Variants in CCDC138 observed in about 807,000 individuals in gnomAD.
CCDC138 encodes the protein coiled-coil domain-containing protein 138.
In CCDC138, 66 loss-of-function variants were observed where a neutral mutation model predicts 82.3. The ratio of observed to expected loss-of-function variants is 0.80; its 90% CI spans 0.66 to 0.98. The LOEUF (loss-of-function observed/expected upper bound fraction) is 0.98. Among genes scored for constraint, CCDC138 ranks in the 50% least tolerant of loss-of-function variants. CCDC138 has a pLI of 0.00. For missense variants in CCDC138, 816 were observed against 758.9 expected (o/e 1.08, Z -0.88); for synonymous variants, 297 against 265.4 (o/e 1.12, Z -1.16).
At chr2:108,805,790 G>T (rs1352148378) in intron 7 of CCDC138, among the ~76,000 whole-genome samples, 1 of 152,042 alleles carries the variant, frequency 6.6e-6, no homozygotes, top group Non-Finnish European at 1.5e-5. Context: ...AAATAGTTTT[G>T]TGAGTTATGT....
At position 108,798,418 on chromosome 2, in the gene CCDC138, T is replaced by C; in HGVS notation, c.577-10T>C. 1 of 1,602,250 alleles carries C rather than the reference T, an allele frequency of 6.2e-7. No homozygotes were observed. Among genetic ancestry groups the C allele is most frequent in the Non-Finnish European group, 8.5e-7 (1 of 1,174,910 alleles). ...TTTCAAGAGCATTAAAGTCTGGCAT[T>C]TTGATACAGTGTGAAACTGCAGCAC... On this transcript the variant is annotated splice_polypyrimidine_tract_variant and intron_variant, in intron 5 of 14. Coordinates refer to ENST00000295124, the MANE Select transcript of CCDC138 (RefSeq NM_144978.3).
intron 10 of CCDC138, among the ~76,000 whole-genome samples, chr2:108,837,037 CT>C (rs1688682341): frequency 6.6e-6 from 1 of 151,890 alleles, no homozygotes; most frequent in Non-Finnish European, 1.5e-5. Context: ...AATTTGGATA[CT>C]TTTTATTTCT....
In CCDC138 at chr2:108,856,968, C is replaced by G; in HGVS notation, c.1691C>G (p.Ser564Cys). The G allele has an allele frequency of 6.6e-7, 1 of 1,508,730 alleles. No homozygotes were observed. Among genetic ancestry groups the G allele is most frequent in the East Asian group, 2.6e-5 (1 of 37,964 alleles). 93.5% of individuals were successfully genotyped at this position (1,508,730 alleles called of 1,614,324 possible). The change falls in exon 13 of 15, where the codon TCT becomes TGT. Residue 564 changes from serine to cysteine, a missense_variant and splice_region_variant. Coordinates refer to ENST00000295124, the MANE Select transcript of CCDC138 (RefSeq NM_144978.3). ...AGTTTGCTCCAGATGACGGTGGAATCTAGTAAGTTTTTAAGTTCTATATGT... is the reference window on the plus strand; with the variant it reads ...AGTTTGCTCCAGATGACGGTGGAATGTAGTAAGTTTTTAAGTTCTATATGT... ...IDSLLQMTVE[S>C]KSLQPFLEAC... is the part of the protein sequence containing the mutation.
chr2:108,845,764 G>T (rs1413755801), intron 11 of CCDC138, among the ~76,000 whole-genome samples: 1 of 151,898 alleles, frequency 6.6e-6, no homozygotes, highest in Non-Finnish European at 1.5e-5. Flanking sequence ...GTAGAGATGG[G>T]GTTTCACCAT....
rs771542789 is a variant in CCDC138 at position 108,873,490 on chromosome 2, T to C, written c.1733T>C (p.Leu578Ser). Residue 578 changes from leucine to serine, a missense_variant, in exon 14 of 15, where the codon TTA becomes TCA. By Grantham distance (145) the Leu-to-Ser change is moderately radical (BLOSUM62 -2). Coordinates refer to ENST00000295124, the MANE Select transcript of CCDC138 (RefSeq NM_144978.3). ...QPFLEACSNS[L>S]FFRTCSVLLR... The stretch of plus-strand genomic sequence containing the variant: ...TTCCTGGAAGCCTGTAGCAACTCTT[T>C]ATTTTTTCGTACTTGCTCTGTGCTG... The C allele has an allele frequency of 6.2e-7, 1 of 1,608,498 alleles. No individual in the cohort carries two copies. The highest frequency in any genetic ancestry group is 1.1e-5 in the South Asian group (1 of 89,218).
In CCDC138 at chr2:108,846,605, A is replaced by G. The variant is rs535336161; in HGVS notation, c.1324-133A>G. On this transcript the variant is annotated intron_variant, in intron 11 of 14. Coordinates refer to ENST00000295124, the MANE Select transcript of CCDC138 (RefSeq NM_144978.3). The stretch of plus-strand genomic sequence containing the variant: ...GGTAGGAGGATTGCTTGAGCCCAGG[A>G]GTTTGAGGCTGCAGTGAGCCATGAT... The G allele has an allele frequency of 2.0e-4, 131 of 665,490 alleles. 3 individuals are homozygous for G. The Middle Eastern group carries it at 2.5e-3, about 13-fold the overall frequency. 41.2% of individuals were successfully genotyped at this position (665,490 alleles called of 1,614,324 possible). A position where few individuals can be genotyped will look rare whatever the true frequency, so the allele number is the denominator to read the frequency against.
At chr2:108,795,543 T>C (rs1680731735) in intron 5 of CCDC138, among the ~76,000 whole-genome samples, 1 of 152,242 alleles carries the variant, frequency 6.6e-6, no homozygotes, top group African/African-American at 2.4e-5. Context: ...TGTTTGAAAT[T>C]CTTCCCGTTG....
chr2:108,789,245 A>G (rs1375572591), intron 3 of CCDC138, among the ~76,000 whole-genome samples: 1 of 152,214 alleles, frequency 6.6e-6, no homozygotes, highest in Non-Finnish European at 1.5e-5. Context: ...ATGGTTATTC[A>G]TTCAGGACCC....
At chr2:108,832,592 T>C (rs1416212657) in intron 10 of CCDC138, among the ~76,000 whole-genome samples, 1 of 152,116 alleles carries the variant, frequency 6.6e-6, no homozygotes, top group Non-Finnish European at 1.5e-5. Context: ...AATTTGTATT[T>C]CCAACATGTT....
In CCDC138 at chr2:108,794,704, A is replaced by G. The variant is rs1680561649; in HGVS notation, c.559A>G (p.Ile187Val). The G allele has an allele frequency of 2.5e-6, 4 of 1,612,508 alleles. No homozygotes were observed. Among genetic ancestry groups the G allele is most frequent in the Non-Finnish European group, 3.4e-6 (4 of 1,178,982 alleles). ...ISQIYDELFQ[I>V]HLKLQCETAA... ...TCAGATATATGACGAATTATTTCAG[A>G]TACATCTGAAATTGCAGGTAAGAAC... is the stretch of plus-strand genomic sequence containing the variant. Residue 187 changes from isoleucine to valine, a missense_variant, in exon 5 of 15, where the codon ATA (isoleucine) becomes GTA (valine). Transcript: ENST00000295124.
At chr2:108,804,195 A>G (rs973922882) in intron 6 of CCDC138, among the ~76,000 whole-genome samples, 7 of 152,200 alleles carry the variant, frequency 4.6e-5, no homozygotes, top group African/African-American at 1.7e-4. Context: ...GATTTCCTGT[A>G]GAAACTTGTT....
intron 11 of CCDC138, among the ~76,000 whole-genome samples, chr2:108,841,856 CA>C (rs1321356798): frequency 6.6e-6 from 1 of 151,986 alleles, no homozygotes; most frequent in East Asian, 1.9e-4. Context: ...GTTACTTGAA[CA>C]TTTTTTAGAA....
chr2:108,794,511 TTA>T lies in CCDC138; in HGVS notation c.395-26_395-25del, dbSNP rs1261180048. Reference sequence around the variant, plus strand: ...ATTTGAAACAATAAGTTAATAAAGTTTATAATGCAAATGTTATTTTCTTTGCA... The same window carrying T: ...ATTTGAAACAATAAGTTAATAAAGTTTAATGCAAATGTTATTTTCTTTGCA... On this transcript the variant is annotated intron_variant, in intron 4 of 14. Transcript: ENST00000295124. 5.1e-6 allele frequency: 8 copies of T among 1,567,616 alleles called. No homozygotes were observed. The Admixed American group carries it at 1.5e-4, about 29-fold the overall frequency.
intron 13 of CCDC138, among the ~76,000 whole-genome samples, chr2:108,862,174 G>A (rs1203025762): frequency 6.7e-6 from 1 of 149,020 alleles, no homozygotes; most frequent in East Asian, 2.0e-4. Flanking sequence ...TTCTGTGGTT[G>A]TGGGAATGAC....
At chr2:108,811,161 C>T (rs1683759276) in intron 7 of CCDC138, among the ~76,000 whole-genome samples, 1 of 150,662 alleles carries the variant, frequency 6.6e-6, no homozygotes, top group East Asian at 1.9e-4. Flanking sequence ...CTTCCCTACC[C>T]CCCTAACCCT....
intron 12 of CCDC138, among the ~76,000 whole-genome samples, chr2:108,851,795 A>G (rs1691554788): frequency 6.6e-6 from 1 of 152,192 alleles, no homozygotes; most frequent in Non-Finnish European, 1.5e-5. Context: ...TAACACACCC[A>G]ACATCATAAC....
rs563299009 is a variant in CCDC138, at chr2:108,800,507, C to T, written c.735+1921C>T. Among the ~76,000 whole-genome samples the T allele has an allele frequency of 5.9e-5, 9 of 151,978 alleles. No homozygotes were observed. The East Asian group carries it at 1.7e-3, about 29-fold the overall frequency. ...CTTGAATTCCTGACCTCAAGCAATCCACCTGCCTCGCCCTCCCAAAGTGCT... is the reference window on the plus strand; with the variant it reads ...CTTGAATTCCTGACCTCAAGCAATCTACCTGCCTCGCCCTCCCAAAGTGCT... On this transcript the variant is annotated intron_variant, in intron 6 of 14. Transcript: ENST00000295124.
At chr2:108,818,177 G>A (rs1212744319) in intron 10 of CCDC138, among the ~76,000 whole-genome samples, 2 of 152,018 alleles carry the variant, frequency 1.3e-5, no homozygotes, top group Admixed American at 6.6e-5. Context: ...CTGGTGGCAC[G>A]CGCCTATAAC....
downstream of CCDC138, among the ~76,000 whole-genome samples, chr2:108,878,068 C>G (rs145256567): frequency 7.4e-4 from 113 of 152,192 alleles, 2 homozygotes; most frequent in Middle Eastern, 3.4e-3. Context: ...ACGTACTATT[C>G]TGGAGAAAGA....
Sources: gnomAD v4.1 joint callset for allele counts (sites outside exome capture counted in the v4.1 genomes callset) on GRCh38, gnomAD v4.1.1 for gene constraint, MANE v1.5 for transcripts, NCBI Gene and HGNC (gene_info 2026-07-23, HGNC 2026-07-21) for gene names.